FGF12: variants seen among roughly 807,000 people sequenced by gnomAD.
FGF12 encodes fibroblast growth factor 12B.
FGF12 carries 14 observed loss-of-function variants against 23.6 expected under a neutral mutation model. The ratio of observed to expected loss-of-function variants is 0.59; its 90% CI spans 0.39 to 0.93. The LOEUF is 0.93. Among genes scored for constraint, FGF12 ranks in the 40% least tolerant of loss-of-function variants. The pLI is 0.00. For missense variants in FGF12, 175 were observed against 217.8 expected, an observed-to-expected ratio of 0.80 and a Z score of 1.24; for synonymous variants, 62 against 77.3, an observed-to-expected ratio of 0.80 and a Z score of 1.04.
intron 2 of FGF12, among the ~76,000 whole-genome samples, chr3:192,676,504 A>G (rs1717332076): frequency 6.6e-6 from 1 of 152,210 alleles, no homozygotes; most frequent in Non-Finnish European, 1.5e-5. Flanking sequence ...CCATGTAATA[A>G]TGTACGCAAG....
intron 2 of FGF12, among the ~76,000 whole-genome samples, chr3:192,664,894 A>G (rs1387750725): frequency 6.6e-6 from 1 of 152,238 alleles, no homozygotes; most frequent in Non-Finnish European, 1.5e-5. Context: ...CTAGAGTTTT[A>G]CTAACATTTA....
rs570321089 is a variant in FGF12 at position 192,349,744 on chromosome 3, C to T, written c.124+10684G>A. 2.0e-5 allele frequency among the ~76,000 whole-genome samples: 3 copies of T among 152,152 alleles called. No homozygotes were observed. In the South Asian group the frequency reaches 6.2e-4, roughly 32 times the overall value. On this transcript the variant is annotated intron_variant, in intron 3 of 5. Transcript: ENST00000445105. The stretch of plus-strand genomic sequence containing the variant: ...ATGGAAATAATTTCCTTACTCATCC[C>T]TTGAATTCTCTTAAATCATCTGTCA...
At chr3:192,191,359 A>G (rs75156321) in intron 4 of FGF12, among the ~76,000 whole-genome samples, 3,334 of 152,278 alleles carry the variant, frequency 0.022, 140 homozygotes, top group African/African-American at 0.076. Flanking sequence ...AGTGAACCCT[A>G]TTGTAAACTA....
intron 5 of FGF12, among the ~76,000 whole-genome samples, chr3:192,167,777 T>TATAA (rs1560175846): frequency 5.2e-5 from 2 of 38,248 alleles, no homozygotes; most frequent in Admixed American, 3.3e-4. Flanking sequence ...ATAAAATTTT[T>TATAA]TTTTTTTTTT....
At chr3:192,146,583 T>C (rs1474528099) in intron 5 of FGF12, among the ~76,000 whole-genome samples, 2 of 152,204 alleles carry the variant, frequency 1.3e-5, no homozygotes, top group Non-Finnish European at 2.9e-5. Flanking sequence ...GTGTATATTT[T>C]TATCACTTTT....
At chr3:192,358,947 G>A (rs1200712915) in intron 3 of FGF12, among the ~76,000 whole-genome samples, 2 of 152,162 alleles carry the variant, frequency 1.3e-5, no homozygotes, top group Admixed American at 1.3e-4. Context: ...AGTTAGTGCA[G>A]ATAAGTGACA....
chr3:192,263,395 TACA>T (rs2108619664), intron 4 of FGF12, among the ~76,000 whole-genome samples: 1 of 152,168 alleles, frequency 6.6e-6, no homozygotes, highest in South Asian at 2.1e-4. Context: ...ATCCCAGAAC[TACA>T]GAAGAATCAG....
At chr3:192,231,652 C>T (rs1719027466) in intron 4 of FGF12, among the ~76,000 whole-genome samples, 1 of 151,870 alleles carries the variant, frequency 6.6e-6, no homozygotes, top group South Asian at 2.1e-4. Flanking sequence ...TGCCTGTAAT[C>T]CCAGCTACTT....
At chr3:192,654,461 T>A (rs1016660970) in intron 2 of FGF12, among the ~76,000 whole-genome samples, 2 of 152,216 alleles carry the variant, frequency 1.3e-5, no homozygotes, top group African/African-American at 4.8e-5. Context: ...CAATAGCACT[T>A]TGAATTTACA....
chr3:192,615,333 T>C lies in FGF12; in HGVS notation c.13+111848A>G, dbSNP rs560721905. ...CGAAATTCTCCCTTCTCTATAATTA[T>C]AGAATTAAGATTTCTCATTATAAAA... On this transcript the variant is annotated intron_variant, in intron 2 of 5. Coordinates refer to ENST00000445105, the MANE Select transcript of FGF12 (RefSeq NM_004113.6). Among the ~76,000 whole-genome samples, 14 of 152,176 alleles carry C rather than the reference T, an allele frequency of 9.2e-5. No individual in the cohort carries two copies. In the South Asian group the frequency reaches 1.9e-3, roughly 20 times the overall value.
intron 2 of FGF12, among the ~76,000 whole-genome samples, chr3:192,694,584 T>C (rs1718049427): frequency 1.3e-5 from 2 of 151,958 alleles, no homozygotes; most frequent in South Asian, 4.1e-4. Flanking sequence ...TATATACATA[T>C]ACGTACATAT....
intron 3 of FGF12, among the ~76,000 whole-genome samples, chr3:192,359,597 AG>A (rs1488165873): frequency 2.6e-5 from 4 of 152,210 alleles, no homozygotes; most frequent in Non-Finnish European, 5.9e-5. Flanking sequence ...ATGATTATGC[AG>A]AATTTGAAAG....
intron 5 of FGF12, among the ~76,000 whole-genome samples, chr3:192,166,365 G>T (rs559912675): frequency 6.6e-6 from 1 of 152,108 alleles, no homozygotes; most frequent in Admixed American, 6.6e-5. Flanking sequence ...AAGGGGTAGG[G>T]ATATATTGCA....
In FGF12 at chr3:192,140,360, A is replaced by C. The variant is rs989619129; in HGVS notation, c.*3649T>G. 1 of 152,056 alleles carries C rather than the reference A, an allele frequency of 6.6e-6. No individual in the cohort carries two copies. The highest frequency in any genetic ancestry group is 1.5e-5 in the Non-Finnish European group (1 of 67,918). The allele number at this position is 152,056 out of a possible 1,614,324, so 9.4% of individuals were successfully genotyped here. A position where few individuals can be genotyped will look rare whatever the true frequency, so the allele number is the denominator to read the frequency against. ...TTTATGTTTGTGTCTCATCTTGTGC[A>C]GATGAAATTAAGCAATATCATGGAA... On this transcript the variant is annotated 3_prime_UTR_variant, in exon 6 of 6. Coordinates refer to ENST00000445105, the MANE Select transcript of FGF12 (RefSeq NM_004113.6).
At chr3:192,315,114 G>GT (rs1002999516) in intron 4 of FGF12, among the ~76,000 whole-genome samples, 1 of 152,074 alleles carries the variant, frequency 6.6e-6, no homozygotes, top group African/African-American at 2.4e-5. Context: ...TAACTACTAG[G>GT]TTTTTTGTTT....
chr3:192,570,474 G>A (rs1712539550), intron 2 of FGF12, among the ~76,000 whole-genome samples: 1 of 152,134 alleles, frequency 6.6e-6, no homozygotes, highest in South Asian at 2.1e-4. Flanking sequence ...AAAGATAAAG[G>A]TTTATGATGT....
At chr3:192,195,274 T>A (rs1275682045) in intron 4 of FGF12, among the ~76,000 whole-genome samples, 1 of 152,214 alleles carries the variant, frequency 6.6e-6, no homozygotes, top group Non-Finnish European at 1.5e-5. Context: ...AAGAGAAAAG[T>A]CAGAGTCCAT....
At position 192,599,564 on chromosome 3, in the gene FGF12, G is replaced by GT. The variant is rs1421696741; in HGVS notation, c.13+127616dup. ...CAACCAATATTGTTATTGCCACTAT[G>GT]TAAGTATTTCCAACGACCAGTTTCT... On this transcript the variant is annotated intron_variant, in intron 2 of 5. Transcript: ENST00000445105. Among the ~76,000 whole-genome samples the GT allele has an allele frequency of 3.3e-5, 5 of 152,154 alleles. No homozygotes were observed. The South Asian group carries it at 1.0e-3, about 32-fold the overall frequency.
chr3:192,446,291 T>C (rs1393676245), intron 2 of FGF12, among the ~76,000 whole-genome samples: 5 of 152,224 alleles, frequency 3.3e-5, no homozygotes, highest in African/African-American at 9.6e-5. Flanking sequence ...AAAACATAGA[T>C]TGGTATTCTC....
Sources: allele counts gnomAD v4.1 joint callset (sites outside exome capture counted in the v4.1 genomes callset), GRCh38; gene constraint gnomAD v4.1.1; transcripts MANE v1.5; gene names NCBI Gene and HGNC (gene_info 2026-07-23, HGNC 2026-07-21).